Variants in IZUMO2 observed in about 807,000 individuals in gnomAD.
IZUMO2 encodes IZUMO family member 2.
Under a neutral mutation model 31.2 loss-of-function variants are expected in IZUMO2, and 24 were observed. That is an observed-to-expected ratio of 0.77 (90% CI 0.56 to 1.08). The LOEUF (loss-of-function observed/expected upper bound fraction) is 1.08, where lower values mean the gene tolerates loss of function less well. IZUMO2 is among the 50% of genes least tolerant of loss of function. The probability of loss-of-function intolerance (pLI) is 0.00; values close to 1 mark genes in which losing one functional copy is unlikely to be tolerated. For missense variants in IZUMO2, 278 were observed against 274.0 expected (o/e 1.01, Z -0.10); for synonymous variants, 144 against 117.3 (o/e 1.23, Z -1.47).
rs200272696 is a variant in IZUMO2, at chr19:50,162,817, G to T, written c.233-4C>A. ...ACAAGGTCCAGTTGATTTGTCTCTG[G>T]GGGGAGAAGGGAGAGGACACTCCAG... On this transcript the variant is annotated splice_region_variant and splice_polypyrimidine_tract_variant and intron_variant, in intron 1 of 6. Transcript: ENST00000293405. The T allele has an allele frequency of 7.5e-4, 1,211 of 1,613,324 alleles. 2 individuals are homozygous for T. The highest frequency in any genetic ancestry group is 9.8e-4 in the Non-Finnish European group (1,154 of 1,179,806).
At position 50,158,114 on chromosome 19, in the gene IZUMO2, T is replaced by C. The variant is rs1423989640; in HGVS notation, c.496+154A>G. Among the ~76,000 whole-genome samples, 3 of 152,146 alleles carry C rather than the reference T, an allele frequency of 2.0e-5. No individual in the cohort carries two copies. The East Asian group carries it at 5.8e-4, about 29-fold the overall frequency. Reference sequence around the variant, plus strand: ...AGATGGAGGAAAGTGAATTTCAGAATACAGGAGCAACTTCTGGGCCACACT... The same window carrying C: ...AGATGGAGGAAAGTGAATTTCAGAACACAGGAGCAACTTCTGGGCCACACT... On this transcript the variant is annotated intron_variant, in intron 5 of 6. Coordinates refer to ENST00000293405, the MANE Select transcript of IZUMO2 (RefSeq NM_152358.3).
Position 50,154,692 on chromosome 19 carries a change from C to A in IZUMO2, c.531G>T (p.Gln177His). The change falls in exon 6 of 7, where the codon CAG (glutamine) becomes CAT (histidine). Residue 177 changes from glutamine (Q) to histidine (H), a missense_variant. Gln to His is a conservative substitution (Grantham distance 24, BLOSUM62 0). Transcript: ENST00000293405. Reference sequence around the variant, plus strand: ...GGTTCCTCGGGTATTTGCTGTCCATCTGGTACTGCAGGGCCACGCGGGGTT... The same window carrying A: ...GGTTCCTCGGGTATTTGCTGTCCATATGGTACTGCAGGGCCACGCGGGGTT... ...DRQPRVALQY[Q>H]MDSKYPRNQA... The A allele has an allele frequency of 6.2e-7, 1 of 1,614,046 alleles. No homozygotes were observed. Among genetic ancestry groups the A allele is most frequent in the Non-Finnish European group, 8.5e-7 (1 of 1,179,988 alleles).
intron 2 of IZUMO2, among the ~76,000 whole-genome samples, chr19:50,162,392 G>C (rs1350487316): frequency 6.6e-6 from 1 of 152,166 alleles, no homozygotes; most frequent in Non-Finnish European, 1.5e-5. Flanking sequence ...AGGATTTATT[G>C]AGGCCAGAAG....
chr19:50,159,151 A>T, intron 4 of IZUMO2, 79 bp downstream of exon 4: 1 of 1,398,046 alleles, frequency 7.2e-7, no homozygotes, highest in Non-Finnish European at 1.0e-6. Context: ...AAGGAGTGGT[A>T]GCCAGGCTTG....
intron 2 of IZUMO2, chr19:50,160,740 A>G (rs1419902149): frequency 1.3e-5 from 2 of 152,174 alleles, no homozygotes; most frequent in South Asian, 2.1e-4. Context: ...TCGGCATCCC[A>G]AAGTGCTGGG....
chr19:50,154,214 G>C (rs2123045597), intron 6 of IZUMO2, among the ~76,000 whole-genome samples: 1 of 145,574 alleles, frequency 6.9e-6, no homozygotes, highest in Admixed American at 7.1e-5. Context: ...AAGCCAACTT[G>C]GATGATATTT....
chr19:50,161,402 G>T (rs977966517), intron 2 of IZUMO2, among the ~76,000 whole-genome samples: 4 of 152,062 alleles, frequency 2.6e-5, no homozygotes, highest in African/African-American at 9.7e-5. Context: ...GATTACAGGC[G>T]TGAGCCACTG....
chr19:50,154,267 T>A (rs1372748962), intron 6 of IZUMO2, among the ~76,000 whole-genome samples: 6 of 86,446 alleles, frequency 6.9e-5, no homozygotes, highest in Non-Finnish European at 2.7e-5. Flanking sequence ...TTTTAGCGTT[T>A]TTTTTTTTTT....
At position 50,152,595 on chromosome 19, in the gene IZUMO2, C is replaced by T. The variant is rs1180445239; in HGVS notation, c.*14G>A. The T allele has an allele frequency of 1.2e-6, 2 of 1,610,542 alleles. No individual in the cohort carries two copies. Among genetic ancestry groups the T allele is most frequent in the Non-Finnish European group, 1.7e-6 (2 of 1,176,934 alleles). On this transcript the variant is annotated 3_prime_UTR_variant, in exon 7 of 7. Coordinates refer to ENST00000293405, the MANE Select transcript of IZUMO2 (RefSeq NM_152358.3). ...AAATTTATTTTCCTTTCTCCTTACCCCCAAACCACCGTCCTACTGCAGCAG... is the reference window on the plus strand; with the variant it reads ...AAATTTATTTTCCTTTCTCCTTACCTCCAAACCACCGTCCTACTGCAGCAG...
rs994569077 is a variant in IZUMO2, at chr19:50,159,254, C to A, written c.395-4G>T. 6.2e-7 allele frequency: 1 copy of A among 1,610,636 alleles called. No homozygotes were observed. The highest frequency in any genetic ancestry group is 1.3e-5 in the African/African-American group (1 of 74,798). On this transcript the variant is annotated splice_polypyrimidine_tract_variant and splice_region_variant and intron_variant, in intron 3 of 6. Transcript: ENST00000293405. ...CGGCAAAGTTTGGGGTTGCAGGCTG[C>A]AAGAGAAAATTGCTGAGGTGAGTTA...
At chr19:50,160,611 C>G (rs2030365729) in intron 2 of IZUMO2, 1 of 151,592 alleles carries the variant, frequency 6.6e-6, no homozygotes, top group South Asian at 2.1e-4. Context: ...GCCTGAGTAG[C>G]TGGGATTACA....
intron 6 of IZUMO2, among the ~76,000 whole-genome samples, chr19:50,153,487 C>G (rs2030094758): frequency 6.6e-6 from 1 of 152,082 alleles, no homozygotes; most frequent in South Asian, 2.1e-4. Flanking sequence ...CGGAGCACTC[C>G]CCATGCGCTA....
chr19:50,159,164 T>C (rs1007117612), intron 4 of IZUMO2, 66 bp downstream of exon 4: 10 of 1,524,892 alleles, frequency 6.6e-6, no homozygotes, highest in Non-Finnish European at 8.1e-6. Flanking sequence ...CAGGCTTGAT[T>C]TGGGGAGACA....
rs566466721 is a variant in IZUMO2, at chr19:50,154,437, G to A, written c.623+163C>T. 7.0e-4 allele frequency among the ~76,000 whole-genome samples: 105 copies of A among 150,804 alleles called. 1 individual carries two copies. The highest frequency in any genetic ancestry group is 3.4e-3 in the Middle Eastern group (1 of 294). On this transcript the variant is annotated intron_variant, in intron 6 of 6. Coordinates refer to ENST00000293405, the MANE Select transcript of IZUMO2 (RefSeq NM_152358.3). Reference sequence around the variant, plus strand: ...AAAGGTACGGGGCAGGGGGCGGGAGGGAGAAGAGGGAGGAGAGAGACAGAG... The same window carrying A: ...AAAGGTACGGGGCAGGGGGCGGGAGAGAGAAGAGGGAGGAGAGAGACAGAG...
intron 5 of IZUMO2, among the ~76,000 whole-genome samples, chr19:50,156,621 A>G (rs1401420983): frequency 2.6e-5 from 4 of 151,736 alleles, no homozygotes; most frequent in Non-Finnish European, 5.9e-5. Flanking sequence ...AAACCCAAAA[A>G]CTGATAAGAG....
intron 2 of IZUMO2, among the ~76,000 whole-genome samples, chr19:50,162,343 C>A (rs750876578): frequency 1.3e-5 from 2 of 150,486 alleles, no homozygotes; most frequent in Non-Finnish European, 3.0e-5. Context: ...TGCAGTGGCT[C>A]ACACCTGTAA....
At chr19:50,162,689 C>G (rs372722747) in intron 2 of IZUMO2, 50 bp downstream of exon 2, 4 of 1,443,314 alleles carry the variant, frequency 2.8e-6, no homozygotes, top group Non-Finnish European at 3.9e-6. Flanking sequence ...TGGGGCAGAC[C>G]GGCGGAAAGA....
At position 50,152,637 on chromosome 19, in the gene IZUMO2, C is replaced by A; in HGVS notation, c.638G>T (p.Arg213Ile). ...CTGCAGCAGGAGTTTTCGGTTTTGT[C>A]TGTATGTACAAGCCCTGGTCAGAGA... is the stretch of plus-strand genomic sequence containing the variant. ...VVIVVSACTY[R>I]QNRKLLLQ Residue 213 changes from arginine to isoleucine, a missense_variant, in exon 7 of 7, where the codon AGA becomes ATA. By Grantham distance (97) the Arg-to-Ile change is moderately conservative. Coordinates refer to ENST00000293405, the MANE Select transcript of IZUMO2 (RefSeq NM_152358.3). 1 of 1,613,520 alleles carries A rather than the reference C, an allele frequency of 6.2e-7. No individual in the cohort carries two copies. The highest frequency in any genetic ancestry group is 8.5e-7 in the Non-Finnish European group (1 of 1,179,496).
intron 6 of IZUMO2, chr19:50,153,622 C>A (rs1299573336): frequency 6.6e-6 from 1 of 152,036 alleles, no homozygotes; most frequent in African/African-American, 2.4e-5. Context: ...GCCAACATGG[C>A]GAAACCCCGT....
Sources: allele counts gnomAD v4.1 joint callset (sites outside exome capture counted in the v4.1 genomes callset), GRCh38; gene constraint gnomAD v4.1.1; transcripts MANE v1.5; gene names NCBI Gene and HGNC (gene_info 2026-07-23, HGNC 2026-07-21).